FGF9: variants seen among roughly 807,000 people sequenced by gnomAD.
FGF9 encodes the protein fibroblast growth factor 9 (glia-activating factor).
FGF9 carries 3 observed loss-of-function variants against 19.9 expected under a neutral mutation model. The ratio of observed to expected loss-of-function variants is 0.15; its 90% CI spans 0.07 to 0.39. The LOEUF is 0.39. Ranked by LOEUF, FGF9 falls within the 10% of genes least tolerant of loss-of-function variation. The pLI, the probability that FGF9 is intolerant of heterozygous loss-of-function variation, is 1.00. For synonymous variants in FGF9, 107 were observed against 106.9 expected (o/e 1.00, Z -0.01); for missense variants, 175 against 256.8 (o/e 0.68, Z 2.18).
At chr13:21,690,191 ACACT>A (rs1012258063) in intron 2 of FGF9, among the ~76,000 whole-genome samples, 2 of 152,050 alleles carry the variant, frequency 1.3e-5, no homozygotes, top group Non-Finnish European at 2.9e-5. Flanking sequence ...ACTCGCTCAC[ACACT>A]CACACACTCT....
chr13:21,674,584 C>T (rs1871860667), intron 1 of FGF9, among the ~76,000 whole-genome samples: 1 of 151,994 alleles, frequency 6.6e-6, no homozygotes, highest in African/African-American at 2.4e-5. Context: ...TTGTGTGGAT[C>T]AGCCGAGCCT....
chr13:21,698,661 T>C (rs550179968), intron 2 of FGF9, among the ~76,000 whole-genome samples: 3 of 152,262 alleles, frequency 2.0e-5, no homozygotes, highest in African/African-American at 7.2e-5. Context: ...AGAAAAACCA[T>C]TGTGCTATGG....
chr13:21,680,986 C>G, intron 1 of FGF9, 56 bp from the exon 2 acceptor site: 1 of 1,372,374 alleles, frequency 7.3e-7, no homozygotes, highest in Non-Finnish European at 1.0e-6. Context: ...TGCTGGGACT[C>G]TAAGGACATG....
chr13:21,690,571 T>C (rs373531934), intron 2 of FGF9, among the ~76,000 whole-genome samples: 57 of 152,350 alleles, frequency 3.7e-4, no homozygotes, highest in African/African-American at 1.3e-3. Flanking sequence ...TGGAAATACG[T>C]TGATCCTCAT....
intron 2 of FGF9, among the ~76,000 whole-genome samples, chr13:21,685,348 A>G (rs757215457): frequency 6.6e-6 from 1 of 152,198 alleles, no homozygotes; most frequent in African/African-American, 2.4e-5. Context: ...CTTTTCATCT[A>G]TGTAGTTTTT....
chr13:21,680,447 G>T (rs576781728), intron 1 of FGF9, among the ~76,000 whole-genome samples: 1 of 150,740 alleles, frequency 6.6e-6, no homozygotes, highest in East Asian at 1.9e-4. Context: ...TCTCTAAACA[G>T]AATACTTTTT....
chr13:21,700,449 G>A (rs1872514176), intron 2 of FGF9, among the ~76,000 whole-genome samples: 1 of 152,152 alleles, frequency 6.6e-6, no homozygotes, highest in Admixed American at 6.5e-5. Context: ...AAGGTTTGGG[G>A]CTCAGAAGTC....
At chr13:21,683,605 G>C (rs1202296749) in intron 2 of FGF9, among the ~76,000 whole-genome samples, 4 of 152,156 alleles carry the variant, frequency 2.6e-5, no homozygotes, top group Non-Finnish European at 5.9e-5. Context: ...GTCAGGCAAA[G>C]GGCAATGAAA....
chr13:21,693,863 C>A (rs1474619973), intron 2 of FGF9, among the ~76,000 whole-genome samples: 1 of 152,208 alleles, frequency 6.6e-6, no homozygotes, highest in African/African-American at 2.4e-5. Context: ...CTTCTGGAAG[C>A]GTGAACGCAG....
chr13:21,675,164 C>T (rs1871881222), intron 1 of FGF9, among the ~76,000 whole-genome samples: 1 of 151,880 alleles, frequency 6.6e-6, no homozygotes, highest in Non-Finnish European at 1.5e-5. Flanking sequence ...GGGAAGGGCG[C>T]TCTGGCGCTC....
Position 21,703,311 on chromosome 13 carries a change from C to T in FGF9, c.*1876C>T, listed in dbSNP as rs532249604. The T allele has an allele frequency of 3.3e-5, 5 of 152,234 alleles. No homozygotes were observed. The highest frequency in any genetic ancestry group is 4.8e-5 in the African/African-American group (2 of 41,542). 9.4% of individuals were successfully genotyped at this position (152,234 alleles called of 1,614,324 possible). On this transcript the variant is annotated 3_prime_UTR_variant, in exon 3 of 3. Coordinates refer to ENST00000382353, the MANE Select transcript of FGF9 (RefSeq NM_002010.3). Reference sequence around the variant, plus strand: ...AGTGACAGCTGTTATGAGCTAGAAGCGCATGACTTATTGTGACGATGTCTT... The same window carrying T: ...AGTGACAGCTGTTATGAGCTAGAAGTGCATGACTTATTGTGACGATGTCTT...
At chr13:21,688,260 C>T (rs906463050) in intron 2 of FGF9, among the ~76,000 whole-genome samples, 1 of 152,198 alleles carries the variant, frequency 6.6e-6, no homozygotes, top group Non-Finnish European at 1.5e-5. Context: ...TCAGACACGT[C>T]CTGTACAAAG....
At chr13:21,675,005 C>A (rs12430456) in intron 1 of FGF9, among the ~76,000 whole-genome samples, 1 of 135,132 alleles carries the variant, frequency 7.4e-6, no homozygotes, top group Non-Finnish European at 1.6e-5. Flanking sequence ...TACAGTGTTG[C>A]GGGGGATGTG....
At chr13:21,694,563 A>G (rs1872362502) in intron 2 of FGF9, among the ~76,000 whole-genome samples, 1 of 152,168 alleles carries the variant, frequency 6.6e-6, no homozygotes, top group African/African-American at 2.4e-5. Context: ...GCTTTTACTG[A>G]GTAATGTTTA....
chr13:21,698,554 T>A (rs546178464), intron 2 of FGF9, among the ~76,000 whole-genome samples: 1 of 152,140 alleles, frequency 6.6e-6, no homozygotes, highest in Admixed American at 6.5e-5. Context: ...CGGGTGAAGC[T>A]GGGATAGGAG....
chr13:21,673,883 C>A (rs1002366106), intron 1 of FGF9: 4 of 151,316 alleles, frequency 2.6e-5, no homozygotes, highest in Admixed American at 1.3e-4. Context: ...GCGCACTTAG[C>A]GGCTGCCCGG....
At chr13:21,692,163 C>T (rs1872306677) in intron 2 of FGF9, among the ~76,000 whole-genome samples, 1 of 152,136 alleles carries the variant, frequency 6.6e-6, no homozygotes, top group Non-Finnish European at 1.5e-5. Context: ...TTATTTTTGC[C>T]TATTTAGCTG....
intron 2 of FGF9, among the ~76,000 whole-genome samples, chr13:21,697,208 A>C (rs1872428824): frequency 6.6e-6 from 1 of 152,222 alleles, no homozygotes; most frequent in Non-Finnish European, 1.5e-5. Flanking sequence ...CCCAAGCTAT[A>C]GTGCAGTGTC....
In FGF9 at chr13:21,704,175, C is replaced by T. The variant is rs1057075426; in HGVS notation, c.*2740C>T. 18 of 152,254 alleles carry T rather than the reference C, an allele frequency of 1.2e-4. No individual in the cohort carries two copies. The highest frequency in any genetic ancestry group is 4.3e-4 in the African/African-American group (18 of 41,530). 9.4% of individuals were successfully genotyped at this position (152,254 alleles called of 1,614,324 possible). A position where few individuals can be genotyped will look rare whatever the true frequency, so the allele number is the denominator to read the frequency against. On this transcript the variant is annotated 3_prime_UTR_variant, in exon 3 of 3. Coordinates refer to ENST00000382353, the MANE Select transcript of FGF9 (RefSeq NM_002010.3). ...GGGGTTCTGGTTTCACAAACAGATG[C>T]TTAGATAGCCAAACCACTGTCTTGT... is the stretch of plus-strand genomic sequence containing the variant.
Sources: allele counts gnomAD v4.1 joint callset (sites outside exome capture counted in the v4.1 genomes callset), GRCh38; gene constraint gnomAD v4.1.1; transcripts MANE v1.5; gene names NCBI Gene and HGNC (gene_info 2026-07-23, HGNC 2026-07-21).